The following GALNT13 variants were observed in gnomAD, a reference collection of about 807,000 sequenced individuals.
GALNT13 encodes polypeptide N-acetylgalactosaminyltransferase 13, also known as UDP-GalNAc:polypeptide N-acetylgalactosaminyltransferase 13.
Under a neutral mutation model 64.2 loss-of-function variants are expected in GALNT13, and 28 were observed. The ratio of observed to expected loss-of-function variants is 0.44; its 90% CI spans 0.32 to 0.60. The LOEUF (loss-of-function observed/expected upper bound fraction) is 0.60, where lower values mean the gene tolerates loss of function less well. GALNT13 is among the 20% of genes least tolerant of loss of function. The pLI, the probability that GALNT13 is intolerant of heterozygous loss-of-function variation, is 0.05. For missense variants in GALNT13, 577 were observed against 669.8 expected (o/e 0.86, Z 1.53); for synonymous variants, 214 against 224.6 (o/e 0.95, Z 0.42).
chr2:153,263,444 C>T, the GALNT13 span, among the ~76,000 whole-genome samples: 4 of 152,038 alleles, frequency 2.6e-5, no homozygotes, highest in Non-Finnish European at 5.9e-5. Context: ...AGAAAAAAAT[C>T]TATTTTAAAA....
chr2:154,196,212 T>C (rs1355438766), intron 4 of GALNT13, among the ~76,000 whole-genome samples: 1 of 151,710 alleles, frequency 6.6e-6, no homozygotes, highest in African/African-American at 2.4e-5. Context: ...GTCTTAGAAA[T>C]GATCTGATAC....
At chr2:153,565,761 T>A in the GALNT13 span, among the ~76,000 whole-genome samples, 6 of 152,220 alleles carry the variant, frequency 3.9e-5, no homozygotes, top group Non-Finnish European at 8.8e-5. Context: ...TCTAAATATA[T>A]ACCCAAGTAT....
At chr2:153,327,233 G>A in the GALNT13 span, among the ~76,000 whole-genome samples, 4 of 152,042 alleles carry the variant, frequency 2.6e-5, no homozygotes, top group Admixed American at 1.3e-4. Context: ...TGCCCTTAAC[G>A]TTTTTGCCTT....
chr2:153,823,498 G>A, the GALNT13 span, among the ~76,000 whole-genome samples: 1 of 152,064 alleles, frequency 6.6e-6, no homozygotes, highest in Non-Finnish European at 1.5e-5. Flanking sequence ...TGACAAAGTT[G>A]ACAAAAGCAA....
intron 4 of GALNT13, among the ~76,000 whole-genome samples, chr2:154,223,516 A>G (rs1688433369): frequency 7.2e-6 from 1 of 137,970 alleles, no homozygotes; most frequent in East Asian, 2.1e-4. Flanking sequence ...CAATGGCAGG[A>G]TCTCAGCTCA....
At chr2:154,304,166 T>A (rs984976964) in intron 9 of GALNT13, among the ~76,000 whole-genome samples, 4 of 152,230 alleles carry the variant, frequency 2.6e-5, no homozygotes, top group African/African-American at 9.6e-5. Context: ...TATGTTTAAG[T>A]GTGTGATTAG....
At chr2:153,363,509 G>A in the GALNT13 span, among the ~76,000 whole-genome samples, 1 of 151,968 alleles carries the variant, frequency 6.6e-6, no homozygotes, top group Non-Finnish European at 1.5e-5. Flanking sequence ...AAGAAGAAAA[G>A]AGAGAAGAAT....
the GALNT13 span, among the ~76,000 whole-genome samples, chr2:153,784,508 A>T: frequency 6.6e-6 from 1 of 152,224 alleles, no homozygotes; most frequent in Non-Finnish European, 1.5e-5. Flanking sequence ...ATATATTTTA[A>T]ATATTGCTAG....
the GALNT13 span, among the ~76,000 whole-genome samples, chr2:153,611,561 G>T: frequency 6.6e-6 from 1 of 151,498 alleles, no homozygotes; most frequent in African/African-American, 2.4e-5. Context: ...GGGTTTCACC[G>T]TGTTGGCCAG....
At chr2:153,242,745 C>T in the GALNT13 span, among the ~76,000 whole-genome samples, 1 of 152,116 alleles carries the variant, frequency 6.6e-6, no homozygotes, top group Non-Finnish European at 1.5e-5. Flanking sequence ...TCCATTTTAT[C>T]TTCTTGCCAC....
chr2:153,189,463 A>G, the GALNT13 span, among the ~76,000 whole-genome samples: 4 of 152,090 alleles, frequency 2.6e-5, no homozygotes, highest in South Asian at 2.1e-4. Context: ...ATATTCTACT[A>G]TGTAAATAAA....
chr2:154,046,453 A>T (rs1401444276), intron 3 of GALNT13, among the ~76,000 whole-genome samples: 1 of 152,170 alleles, frequency 6.6e-6, no homozygotes, highest in Non-Finnish European at 1.5e-5. Context: ...AGTGCTATTT[A>T]TCATGTAGCT....
At chr2:154,124,101 G>A (rs899866914) in intron 3 of GALNT13, among the ~76,000 whole-genome samples, 2 of 151,968 alleles carry the variant, frequency 1.3e-5, no homozygotes, top group Non-Finnish European at 2.9e-5. Flanking sequence ...TGACAGATCT[G>A]GGTTTTATAT....
chr2:154,397,751 G>C (rs1390872259), intron 10 of GALNT13, among the ~76,000 whole-genome samples: 1 of 152,064 alleles, frequency 6.6e-6, no homozygotes. Flanking sequence ...TTCCTCATTA[G>C]CCATGTAAAT....
chr2:154,267,597 G>A (rs1349483057), intron 8 of GALNT13, among the ~76,000 whole-genome samples: 2 of 152,088 alleles, frequency 1.3e-5, no homozygotes, highest in Admixed American at 6.5e-5. Flanking sequence ...CCGAGATAGT[G>A]CCACTGCACT....
At chr2:154,447,005 A>G (rs952781431) in intron 12 of GALNT13, among the ~76,000 whole-genome samples, 4 of 151,648 alleles carry the variant, frequency 2.6e-5, no homozygotes, top group Non-Finnish European at 4.4e-5. Context: ...TATTTTAAAC[A>G]TATATATGCA....
chr2:154,137,749 A>G (rs1187483777), intron 3 of GALNT13, among the ~76,000 whole-genome samples: 1 of 152,008 alleles, frequency 6.6e-6, no homozygotes, highest in Non-Finnish European at 1.5e-5. Context: ...CTAGTCTTGG[A>G]AGCATTGTGT....
chr2:153,485,295 T>C, the GALNT13 span, among the ~76,000 whole-genome samples: 1 of 152,346 alleles, frequency 6.6e-6, no homozygotes, highest in Admixed American at 6.5e-5. Flanking sequence ...TGTATTCTTC[T>C]TGGATATATG....
chr2:154,009,984 G>T (rs531398257), intron 3 of GALNT13, among the ~76,000 whole-genome samples: 1 of 152,248 alleles, frequency 6.6e-6, no homozygotes, highest in East Asian at 1.9e-4. Flanking sequence ...GTATAGAAAT[G>T]TTACTGAGTT....
Sources: gnomAD v4.1 joint callset for allele counts (sites outside exome capture counted in the v4.1 genomes callset) on GRCh38, gnomAD v4.1.1 for gene constraint, MANE v1.5 for transcripts, NCBI Gene and HGNC (gene_info 2026-07-23, HGNC 2026-07-21) for gene names.